GALK2: variants seen among roughly 807,000 people sequenced by gnomAD.
GALK2 encodes the protein N-acetylgalactosamine kinase.
GALK2 carries 36 observed loss-of-function variants against 52.4 expected under a neutral mutation model. The observed-to-expected ratio is 0.69, with a 90% confidence interval of 0.53 to 0.91. GALK2 has a LOEUF of 0.91. GALK2 is among the 40% of genes least tolerant of loss of function. The probability of loss-of-function intolerance (pLI) is 0.00; values close to 1 mark genes in which losing one functional copy is unlikely to be tolerated. For synonymous variants in GALK2, 176 were observed against 199.1 expected, an observed-to-expected ratio of 0.88 and a Z score of 0.98; for missense variants, 579 against 559.1, an observed-to-expected ratio of 1.04 and a Z score of -0.36.
At chr15:49,335,525 T>G (rs1221186167), downstream of GALK2, 1 of 1,549,174 alleles carries the variant, frequency 6.5e-7, no homozygotes, top group African/African-American at 1.4e-5. Context: ...AGGAATGATT[T>G]TCAATTAGGA....
chr15:49,217,121 G>A lies in GALK2; in HGVS notation c.143-69G>A, dbSNP rs1306683123. 4 of 1,421,108 alleles carry A rather than the reference G, an allele frequency of 2.8e-6. No homozygotes were observed. In the South Asian group the frequency reaches 5.2e-5, roughly 18 times the overall value. The allele number at this position is 1,421,108 out of a possible 1,614,324, so 88.0% of individuals were successfully genotyped here. ...GCTCATGGTCAGTTTTTTCCTGTAT[G>A]TAAACTTTCTTGAGGTGCTTTTGTT... On this transcript the variant is annotated intron_variant, in intron 2 of 9. Transcript: ENST00000560031.
chr15:49,279,565 G>T (rs151248847), intron 5 of GALK2, among the ~76,000 whole-genome samples: 1 of 152,294 alleles, frequency 6.6e-6, no homozygotes. Flanking sequence ...CTATAATGGG[G>T]ATAAGCAGAA....
chr15:49,230,810 C>T (rs887660667), intron 3 of GALK2, among the ~76,000 whole-genome samples: 1 of 152,140 alleles, frequency 6.6e-6, no homozygotes, highest in Non-Finnish European at 1.5e-5. Flanking sequence ...CATGTCTGCT[C>T]ATTTTCAGGA....
At chr15:49,289,347 C>A (rs941876934) in intron 7 of GALK2, among the ~76,000 whole-genome samples, 2 of 152,190 alleles carry the variant, frequency 1.3e-5, no homozygotes, top group Admixed American at 1.3e-4. Context: ...AAGCATAGTG[C>A]TGCCATTGAT....
chr15:49,357,401 A>C (rs1417197980), intron 3 of GALK2, among the ~76,000 whole-genome samples: 2 of 150,300 alleles, frequency 1.3e-5, no homozygotes, highest in Non-Finnish European at 3.0e-5. Context: ...GATAAAGGGG[A>C]TATCACCACC....
At chr15:49,287,646 C>T (rs576588288) in intron 7 of GALK2, among the ~76,000 whole-genome samples, 1 of 152,280 alleles carries the variant, frequency 6.6e-6, no homozygotes, top group South Asian at 2.1e-4. Context: ...CTCAATCTGA[C>T]CAAACTTTCT....
intron 1 of GALK2, among the ~76,000 whole-genome samples, chr15:49,158,583 G>A (rs1387160570): frequency 6.6e-6 from 1 of 152,066 alleles, no homozygotes; most frequent in African/African-American, 2.4e-5. Context: ...TTAGGCAGCT[G>A]TTATGTGGTA....
intron 5 of GALK2, 38 bp downstream of exon 5, chr15:49,239,405 C>T: frequency 1.3e-6 from 2 of 1,582,148 alleles, no homozygotes; most frequent in Non-Finnish European, 8.6e-7. Context: ...AGAACCCTCT[C>T]CTAATAATCA....
rs1413709137 is a variant in GALK2, at chr15:49,331,584, G to A, written c.*3425G>A. 2.0e-6 allele frequency: 1 copy of A among 499,928 alleles called. No individual in the cohort carries two copies. Among genetic ancestry groups the A allele is most frequent in the African/African-American group, 1.9e-5 (1 of 51,746 alleles). The allele number at this position is 499,928 out of a possible 1,614,324, so 31.0% of individuals were successfully genotyped here. On this transcript the variant is annotated 3_prime_UTR_variant, in exon 10 of 10. Coordinates refer to ENST00000560031, the MANE Select transcript of GALK2 (RefSeq NM_002044.4). ...TGGTCAGAAGCTGGAAATGGGGAAT[G>A]TGAACATGAGTTGTCACTAAATATG...
chr15:49,319,576 C>CTCCT (rs2036717026), intron 8 of GALK2, 28 bp from the exon 9 acceptor site: 2 of 1,604,920 alleles, frequency 1.2e-6, no homozygotes, highest in African/African-American at 2.7e-5. Context: ...TATTCCTAAC[C>CTCCT]TCCTTCCCCA....
At chr15:49,191,370 A>G (rs2086710789) in intron 1 of GALK2, among the ~76,000 whole-genome samples, 1 of 152,000 alleles carries the variant, frequency 6.6e-6, no homozygotes, top group African/African-American at 2.4e-5. Context: ...ATAACAACTT[A>G]GTTTTGGTTT....
intron 3 of GALK2, among the ~76,000 whole-genome samples, chr15:49,234,200 C>T (rs2090663264): frequency 6.6e-6 from 1 of 152,058 alleles, no homozygotes; most frequent in Admixed American, 6.6e-5. Flanking sequence ...ATTTTAGGAG[C>T]CTATTTATTT....
chr15:49,225,071 A>G, intron 3 of GALK2: 1 of 352,232 alleles, frequency 2.8e-6, no homozygotes, highest in South Asian at 2.2e-5. Flanking sequence ...CTTTTTTTGT[A>G]TTTCAGTGCA....
chr15:49,323,251 C>T (rs1165412653), intron 9 of GALK2, among the ~76,000 whole-genome samples: 3 of 152,080 alleles, frequency 2.0e-5, no homozygotes. Flanking sequence ...TGGTGTGAGC[C>T]ACTGGTGCCA....
At chr15:49,341,710 G>C (rs2040755637) in intron 3 of GALK2, among the ~76,000 whole-genome samples, 1 of 152,080 alleles carries the variant, frequency 6.6e-6, no homozygotes, top group Non-Finnish European at 1.5e-5. Flanking sequence ...TCTTAACATG[G>C]TTTTTGCTGC....
intron 1 of GALK2, among the ~76,000 whole-genome samples, chr15:49,196,837 A>G (rs533042215): frequency 6.6e-6 from 1 of 152,348 alleles, no homozygotes; most frequent in South Asian, 2.1e-4. Context: ...AGCATTAAGA[A>G]ATATCCTTCT....
intron 2 of GALK2, among the ~76,000 whole-genome samples, chr15:49,207,484 C>CT (rs1192924568): frequency 7.3e-5 from 11 of 151,294 alleles, no homozygotes; most frequent in East Asian, 1.9e-4. Context: ...TGGTCCTGTA[C>CT]TTTTTTTTTG....
At chr15:49,228,688 T>TATATATATATATATTTATTTA in intron 3 of GALK2, among the ~76,000 whole-genome samples, 8 of 10,448 alleles carry the variant, frequency 7.7e-4, no homozygotes, top group African/African-American at 2.7e-3. Context: ...TATATATATA[T>TATATATATATATATTTATTTA]TTTTTTTTTT....
chr15:49,290,030 C>A (rs2033780339), intron 7 of GALK2, among the ~76,000 whole-genome samples: 2 of 152,174 alleles, frequency 1.3e-5, no homozygotes. Flanking sequence ...ACTGCCTTCT[C>A]TTATTTCCCC....
Sources: gnomAD v4.1 joint callset for allele counts (sites outside exome capture counted in the v4.1 genomes callset) on GRCh38, gnomAD v4.1.1 for gene constraint, MANE v1.5 for transcripts, NCBI Gene and HGNC (gene_info 2026-07-23, HGNC 2026-07-21) for gene names.